The following C8orf34 variants were observed in gnomAD, a reference collection of about 807,000 sequenced individuals.
C8orf34 encodes the protein uncharacterized protein C8orf34.
Under a neutral mutation model 68.3 loss-of-function variants are expected in C8orf34, and 65 were observed. That is an observed-to-expected ratio of 0.95 (90% CI 0.78 to 1.17). The LOEUF (loss-of-function observed/expected upper bound fraction) is 1.17, where lower values mean the gene tolerates loss of function less well. C8orf34 is among the 50% of genes most tolerant of loss of function. The probability of loss-of-function intolerance (pLI) is 0.00; values close to 1 mark genes in which losing one functional copy is unlikely to be tolerated. For missense variants in C8orf34, 664 were observed against 655.4 expected (o/e 1.01, Z -0.14); for synonymous variants, 244 against 241.2 (o/e 1.01, Z -0.11).
At chr8:68,405,163 A>G (rs776374390) in intron 1 of C8orf34, among the ~76,000 whole-genome samples, 3 of 151,898 alleles carry the variant, frequency 2.0e-5, no homozygotes, top group African/African-American at 7.3e-5. Flanking sequence ...AGATGGTTTG[A>G]TGATCATTTG....
intron 12 of C8orf34, among the ~76,000 whole-genome samples, chr8:68,803,163 T>A (rs891743670): frequency 6.6e-6 from 1 of 152,038 alleles, no homozygotes; most frequent in Non-Finnish European, 1.5e-5. Context: ...CTAGCTAACC[T>A]CGATTCCAAT....
At chr8:68,446,198 GTGGGTACA>G in intron 2 of C8orf34, 123 bp from the exon 3 acceptor site, 1 of 677,656 alleles carries the variant, frequency 1.5e-6, no homozygotes, top group Non-Finnish European at 2.5e-6. Context: ...ATACCTTTGC[GTGGGTACA>G]TTATTTTTGA....
intron 7 of C8orf34, among the ~76,000 whole-genome samples, chr8:68,568,515 G>A (rs1462479271): frequency 6.6e-6 from 1 of 151,864 alleles, no homozygotes; most frequent in East Asian, 1.9e-4. Flanking sequence ...GAAAAATGCT[G>A]CTGATAGACT....
chr8:68,743,237 T>G (rs147961147), intron 10 of C8orf34, among the ~76,000 whole-genome samples: 31 of 152,324 alleles, frequency 2.0e-4, no homozygotes, highest in Admixed American at 7.8e-4. Context: ...ATTTATGGAC[T>G]TAGAGTAGCA....
chr8:68,687,563 TAGA>T (rs2130896492), intron 8 of C8orf34, among the ~76,000 whole-genome samples: 1 of 152,112 alleles, frequency 6.6e-6, no homozygotes, highest in East Asian at 1.9e-4. Context: ...AAGCCACGTG[TAGA>T]AGAATGAAAC....
At chr8:68,667,101 T>G (rs1194629615) in intron 8 of C8orf34, among the ~76,000 whole-genome samples, 1 of 151,732 alleles carries the variant, frequency 6.6e-6, no homozygotes, top group Non-Finnish European at 1.5e-5. Context: ...ATTTGATTAA[T>G]TTTTTTTGCA....
intron 10 of C8orf34, among the ~76,000 whole-genome samples, chr8:68,757,894 A>G (rs1228671576): frequency 6.6e-6 from 1 of 152,234 alleles, no homozygotes; most frequent in Admixed American, 6.5e-5. Flanking sequence ...CATAAAACAT[A>G]TAACATCAAC....
At position 68,333,232 on chromosome 8, in the gene C8orf34, C is replaced by T. The variant is rs1167844252; in HGVS notation, c.327+1893C>T. ...CTAACCCCCACCTTTTGATGCTCACCAGCAAGTTATGCGCTGAAGAATTTT... is the reference window on the plus strand; with the variant it reads ...CTAACCCCCACCTTTTGATGCTCACTAGCAAGTTATGCGCTGAAGAATTTT... On this transcript the variant is annotated intron_variant, in intron 1 of 13. Transcript: ENST00000518698. Among the ~76,000 whole-genome samples the T allele has an allele frequency of 2.0e-5, 3 of 152,118 alleles. No individual in the cohort carries two copies. In the East Asian group the frequency reaches 5.8e-4, roughly 29 times the overall value.
chr8:68,428,961 C>T lies in C8orf34; in HGVS notation c.328-10538C>T, dbSNP rs74625246. Among the ~76,000 whole-genome samples, 1,290 of 152,174 alleles carry T rather than the reference C, an allele frequency of 8.5e-3. 7 individuals are homozygous for T. Among genetic ancestry groups the T allele is most frequent in the Middle Eastern group, 0.017 (5 of 294 alleles). Reference sequence around the variant, plus strand: ...TGACTTTAGATGCTTTGCAGACCTACCTGTGCAAGGCAAAAACAGTGAAAC... The same window carrying T: ...TGACTTTAGATGCTTTGCAGACCTATCTGTGCAAGGCAAAAACAGTGAAAC... On this transcript the variant is annotated intron_variant, in intron 1 of 13. Coordinates refer to ENST00000518698, the MANE Select transcript of C8orf34 (RefSeq NM_052958.4).
chr8:68,505,496 C>G (rs1340731198), intron 5 of C8orf34, among the ~76,000 whole-genome samples: 1 of 94,850 alleles, frequency 1.1e-5, no homozygotes, highest in Non-Finnish European at 1.9e-5. Flanking sequence ...CTTTGGGAGG[C>G]CGAGGCGGGT....
chr8:68,758,171 T>C (rs1343755463), intron 10 of C8orf34, among the ~76,000 whole-genome samples: 1 of 152,200 alleles, frequency 6.6e-6, no homozygotes, highest in Non-Finnish European at 1.5e-5. Flanking sequence ...GACATAAACA[T>C]GAAATTTGGC....
At chr8:68,540,772 G>A (rs1332036740) in intron 7 of C8orf34, among the ~76,000 whole-genome samples, 2 of 152,102 alleles carry the variant, frequency 1.3e-5, no homozygotes, top group African/African-American at 2.4e-5. Flanking sequence ...AACCCAGGAG[G>A]CGGAGGTTGC....
intron 3 of C8orf34, among the ~76,000 whole-genome samples, chr8:68,462,660 T>G (rs565086809): frequency 1.3e-4 from 20 of 151,824 alleles, no homozygotes; most frequent in African/African-American, 4.8e-4. Flanking sequence ...CTCAACTACA[T>G]GGAAACTGAA....
At chr8:68,660,429 A>G (rs1819637169) in intron 8 of C8orf34, among the ~76,000 whole-genome samples, 1 of 152,164 alleles carries the variant, frequency 6.6e-6, no homozygotes, top group African/African-American at 2.4e-5. Context: ...CACTCATGTT[A>G]ACAGGGGGTC....
chr8:68,384,450 T>C (rs1216086211), intron 1 of C8orf34, among the ~76,000 whole-genome samples: 2 of 152,256 alleles, frequency 1.3e-5, no homozygotes, highest in Admixed American at 1.3e-4. Context: ...TCTGCGCTTT[T>C]GTTGCCAAGA....
At chr8:68,713,993 A>G (rs1235408011) in intron 9 of C8orf34, among the ~76,000 whole-genome samples, 2 of 152,178 alleles carry the variant, frequency 1.3e-5, no homozygotes, top group Non-Finnish European at 2.9e-5. Context: ...TAACATATGC[A>G]AGTCAATAAA....
At chr8:68,410,897 A>G (rs1323538437) in intron 1 of C8orf34, among the ~76,000 whole-genome samples, 1 of 152,212 alleles carries the variant, frequency 6.6e-6, no homozygotes, top group Non-Finnish European at 1.5e-5. Context: ...TCTTCAATGA[A>G]TAACACTGAT....
chr8:68,561,762 G>A lies in C8orf34; in HGVS notation c.1105+28613G>A, dbSNP rs555467899. On this transcript the variant is annotated intron_variant, in intron 7 of 13. Coordinates refer to ENST00000518698, the MANE Select transcript of C8orf34 (RefSeq NM_052958.4). ...GACAGGGCAAGACTTCATCTCAAAAGAAAAAGAAAAGAAACCAAAACCAAA... is the reference window on the plus strand; with the variant it reads ...GACAGGGCAAGACTTCATCTCAAAAAAAAAAGAAAAGAAACCAAAACCAAA... Among the ~76,000 whole-genome samples the A allele has an allele frequency of 2.4e-3, 371 of 152,092 alleles. 2 individuals are homozygous for A. Among genetic ancestry groups the A allele is most frequent in the African/African-American group, 8.6e-3 (357 of 41,514 alleles).
At chr8:68,749,265 A>G (rs2129527562) in intron 10 of C8orf34, among the ~76,000 whole-genome samples, 1 of 152,194 alleles carries the variant, frequency 6.6e-6, no homozygotes, top group South Asian at 2.1e-4. Flanking sequence ...GAGGGATTGC[A>G]TTGGGAGATA....
Sources: gnomAD v4.1 joint callset for allele counts (sites outside exome capture counted in the v4.1 genomes callset) on GRCh38, gnomAD v4.1.1 for gene constraint, MANE v1.5 for transcripts, NCBI Gene and HGNC (gene_info 2026-07-23, HGNC 2026-07-21) for gene names.